The following EXT1 variants were observed in gnomAD, a reference collection of about 807,000 sequenced individuals.
The protein encoded by EXT1 is exostosin glycosyltransferase 1.
A neutral mutation model predicts 82.5 loss-of-function variants in EXT1; 20 were observed. The ratio of observed to expected loss-of-function variants is 0.24; its 90% CI spans 0.17 to 0.35. EXT1 has a LOEUF of 0.35. EXT1 is among the 10% of genes least tolerant of loss of function. EXT1 has a pLI of 1.00. For synonymous variants in EXT1, 348 were observed against 350.8 expected (o/e 0.99, Z 0.09); for missense variants, 757 against 936.5 (o/e 0.81, Z 2.50).
chr8:118,080,813 T>C (rs751981436), intron 1 of EXT1, among the ~76,000 whole-genome samples: 2 of 152,172 alleles, frequency 1.3e-5, no homozygotes, highest in Non-Finnish European at 2.9e-5. Flanking sequence ...AGTCTCATAC[T>C]ATGAGAGGCA....
intron 1 of EXT1, among the ~76,000 whole-genome samples, chr8:118,003,600 C>CA (rs1815718459): frequency 6.6e-6 from 1 of 152,012 alleles, no homozygotes; most frequent in African/African-American, 2.4e-5. Context: ...ATTTCAAACT[C>CA]AAAAAATATT....
At chr8:118,051,678 A>G (rs570752362) in intron 1 of EXT1, among the ~76,000 whole-genome samples, 4 of 152,326 alleles carry the variant, frequency 2.6e-5, no homozygotes, top group African/African-American at 9.6e-5. Context: ...CAACTAATCA[A>G]TGTGTTTTCT....
At chr8:117,978,421 C>T (rs987852403) in intron 1 of EXT1, among the ~76,000 whole-genome samples, 1 of 152,072 alleles carries the variant, frequency 6.6e-6, no homozygotes, top group Non-Finnish European at 1.5e-5. Flanking sequence ...AGCCAGTAAG[C>T]ACATCATCTC....
At chr8:118,040,834 C>T (rs538969963) in intron 1 of EXT1, among the ~76,000 whole-genome samples, 4 of 152,198 alleles carry the variant, frequency 2.6e-5, no homozygotes, top group South Asian at 2.1e-4. Context: ...CAATTGTTCA[C>T]GTCAGTTCTG....
At chr8:117,807,183 T>C (rs1823250337) in intron 9 of EXT1, 34 bp downstream of exon 9, 4 of 1,613,536 alleles carry the variant, frequency 2.5e-6, no homozygotes, top group African/African-American at 2.7e-5. Context: ...AAAAGCTATG[T>C]AAAGTCTGTA....
intron 1 of EXT1, among the ~76,000 whole-genome samples, chr8:117,998,175 G>A (rs142738109): frequency 0.027 from 4,147 of 151,720 alleles, 202 homozygotes; most frequent in African/African-American, 0.09. Flanking sequence ...CAACATGCCC[G>A]GCTAATTTTT....
At chr8:118,069,185 A>G (rs1400242449) in intron 1 of EXT1, among the ~76,000 whole-genome samples, 2 of 152,232 alleles carry the variant, frequency 1.3e-5, no homozygotes, top group Admixed American at 1.3e-4. Flanking sequence ...AGCTCTTTGC[A>G]CTTGCCCATG....
At chr8:117,975,626 C>T (rs1815047996) in intron 1 of EXT1, among the ~76,000 whole-genome samples, 1 of 152,158 alleles carries the variant, frequency 6.6e-6, no homozygotes, top group Non-Finnish European at 1.5e-5. Context: ...TCCCCTCTAA[C>T]ATGCGGGGCA....
chr8:118,013,953 T>C (rs1815954820), intron 1 of EXT1, among the ~76,000 whole-genome samples: 2 of 152,330 alleles, frequency 1.3e-5, no homozygotes, highest in East Asian at 1.9e-4. Context: ...TGAACTGCGA[T>C]TGAATCCTGG....
chr8:118,037,593 T>C (rs1052969628), intron 1 of EXT1, among the ~76,000 whole-genome samples: 3 of 152,098 alleles, frequency 2.0e-5, no homozygotes, highest in Non-Finnish European at 2.9e-5. Context: ...CACACACACT[T>C]TGATGATGTG....
At chr8:117,972,232 G>A (rs775936457) in intron 1 of EXT1, among the ~76,000 whole-genome samples, 2 of 151,806 alleles carry the variant, frequency 1.3e-5, no homozygotes, top group African/African-American at 2.4e-5. Flanking sequence ...ATAGGCTTCA[G>A]GATTTCCAGA....
At position 117,858,844 on chromosome 8, in the gene EXT1, GGAAAGAAAGAAAGAAAGAAA is replaced by G. The variant is rs1181366390; in HGVS notation, c.963-21663_963-21644del. ...AGGAAGGAAGGAAGGAAGGAAGGAAGGAAAGAAAGAAAGAAAGAAAGAAAGAAAGAAAGAAAGAAAGAAAG... is the reference window on the plus strand; with the variant it reads ...AGGAAGGAAGGAAGGAAGGAAGGAAGGAAAGAAAGAAAGAAAGAAAGAAAG... On this transcript the variant is annotated intron_variant, in intron 1 of 10. Coordinates refer to ENST00000378204, the MANE Select transcript of EXT1 (RefSeq NM_000127.3). 5.5e-3 allele frequency among the ~76,000 whole-genome samples: 469 copies of G among 85,194 alleles called. 15 individuals carry two copies. Among genetic ancestry groups the G allele is most frequent in the Admixed American group, 0.02 (163 of 8,000 alleles). 55.9% of individuals were successfully genotyped at this position (85,194 alleles called of 152,430 possible). A position where few individuals can be genotyped will look rare whatever the true frequency, so the allele number is the denominator to read the frequency against.
intron 1 of EXT1, among the ~76,000 whole-genome samples, chr8:117,946,474 G>A (rs1388323219): frequency 1.3e-5 from 2 of 152,132 alleles, no homozygotes; most frequent in Non-Finnish European, 2.9e-5. Flanking sequence ...AGCACTCTCC[G>A]GGGCCTGCTC....
intron 1 of EXT1, among the ~76,000 whole-genome samples, chr8:117,850,184 G>A (rs1367866827): frequency 6.6e-6 from 1 of 152,166 alleles, no homozygotes; most frequent in East Asian, 1.9e-4. Context: ...TTTCCATTAA[G>A]GTATCTTGGC....
At chr8:118,022,525 A>G (rs1482650423) in intron 1 of EXT1, among the ~76,000 whole-genome samples, 1 of 150,722 alleles carries the variant, frequency 6.6e-6, no homozygotes, top group African/African-American at 2.4e-5. Context: ...TTTAGTAGAA[A>G]CAGGGTTTCA....
intron 1 of EXT1, among the ~76,000 whole-genome samples, chr8:117,847,371 T>G (rs1431213751): frequency 6.6e-6 from 1 of 152,216 alleles, no homozygotes; most frequent in Non-Finnish European, 1.5e-5. Flanking sequence ...CTTCCTTTTG[T>G]ACATTTTAAA....
chr8:118,026,357 C>T (rs905020361), intron 1 of EXT1, among the ~76,000 whole-genome samples: 2 of 152,176 alleles, frequency 1.3e-5, no homozygotes, highest in African/African-American at 4.8e-5. Context: ...TTGTGGCATG[C>T]TGTTGCTTGA....
chr8:118,098,831 T>C (rs1014870608), intron 1 of EXT1, among the ~76,000 whole-genome samples: 4 of 150,748 alleles, frequency 2.7e-5, no homozygotes, highest in Non-Finnish European at 5.9e-5. Context: ...CCATTTCACC[T>C]AGGTTTAAAC....
At chr8:118,073,646 AGAGAAGAGAAG>A (rs1817143933) in intron 1 of EXT1, among the ~76,000 whole-genome samples, 1 of 97,348 alleles carries the variant, frequency 1.0e-5, no homozygotes, top group Admixed American at 1.2e-4. Flanking sequence ...AGAGAAGAGA[AGAGAAGAGAAG>A]AGAAGAGAAG....
Sources: gnomAD v4.1 joint callset for allele counts (sites outside exome capture counted in the v4.1 genomes callset) on GRCh38, gnomAD v4.1.1 for gene constraint, MANE v1.5 for transcripts, NCBI Gene and HGNC (gene_info 2026-07-23, HGNC 2026-07-21) for gene names.